The following RASEF variants were observed in gnomAD, a reference collection of about 807,000 sequenced individuals.
The protein encoded by RASEF is ras and EF-hand domain-containing protein.
Under a neutral mutation model 90.1 loss-of-function variants are expected in RASEF, and 68 were observed. The ratio of observed to expected loss-of-function variants is 0.75; its 90% CI spans 0.62 to 0.92. The LOEUF (loss-of-function observed/expected upper bound fraction) is 0.92, where lower values mean the gene tolerates loss of function less well. Among genes scored for constraint, RASEF ranks in the 40% least tolerant of loss-of-function variants. The pLI is 0.00. For missense variants in RASEF, 949 were observed against 937.2 expected (o/e 1.01, Z -0.16); for synonymous variants, 331 against 345.2 (o/e 0.96, Z 0.46).
intron 1 of RASEF, among the ~76,000 whole-genome samples, chr9:83,044,850 G>A (rs1829900872): frequency 6.6e-6 from 1 of 152,192 alleles, no homozygotes. Flanking sequence ...TAGACTTCGA[G>A]TAAAGCAGTT....
rs112266145 is a variant in RASEF, at chr9:83,058,287, A to G, written c.431+4150T>C. Among the ~76,000 whole-genome samples the G allele has an allele frequency of 6.6e-3, 873 of 132,298 alleles. 29 individuals carry two copies. Among genetic ancestry groups the G allele is most frequent in the African/African-American group, 0.024 (806 of 34,094 alleles). The allele number at this position is 132,298 out of a possible 152,430, so 86.8% of individuals were successfully genotyped here. On this transcript the variant is annotated intron_variant, in intron 1 of 16. Coordinates refer to ENST00000376447, the MANE Select transcript of RASEF (RefSeq NM_152573.4). ...AAGCTCCGCCTCCCGGGTTCACACC[A>G]TTCTCCTGCCTCAGCCTCCCGAGTA... is the stretch of plus-strand genomic sequence containing the variant.
intron 1 of RASEF, among the ~76,000 whole-genome samples, chr9:83,039,149 G>A (rs1229491758): frequency 6.6e-6 from 1 of 152,000 alleles, no homozygotes; most frequent in Non-Finnish European, 1.5e-5. Flanking sequence ...ATGCTATCTA[G>A]AAGCCAAATG....
chr9:83,098,075 C>T, the RASEF span, among the ~76,000 whole-genome samples: 5 of 152,152 alleles, frequency 3.3e-5, no homozygotes, highest in Middle Eastern at 3.2e-3. Context: ...GGGCTGATAG[C>T]TCCAGAGTCC....
the RASEF span, among the ~76,000 whole-genome samples, chr9:83,177,744 C>G: frequency 2.6e-5 from 4 of 151,728 alleles, no homozygotes; most frequent in Non-Finnish European, 4.4e-5. Flanking sequence ...CGTATTTATC[C>G]CATTAGAGTT....
chr9:83,203,577 A>C, the RASEF span, among the ~76,000 whole-genome samples: 1 of 152,198 alleles, frequency 6.6e-6, no homozygotes, highest in Non-Finnish European at 1.5e-5. Flanking sequence ...CACCTGGCCT[A>C]TTCCATTACA....
At chr9:83,015,197 AC>A (rs1829321133) in intron 4 of RASEF, among the ~76,000 whole-genome samples, 1 of 152,224 alleles carries the variant, frequency 6.6e-6, no homozygotes, top group Non-Finnish European at 1.5e-5. Context: ...ATTTGACATG[AC>A]CAAGAAAAAC....
At chr9:83,193,634 G>A in the RASEF span, among the ~76,000 whole-genome samples, 4,115 of 152,242 alleles carry the variant, frequency 0.027, 76 homozygotes, top group Non-Finnish European at 0.038. Flanking sequence ...CATAAATATG[G>A]AGATACATAT....
chr9:83,187,756 A>G, the RASEF span, among the ~76,000 whole-genome samples: 1 of 151,406 alleles, frequency 6.6e-6, no homozygotes, highest in Non-Finnish European at 1.5e-5. Context: ...TCTACCTTCC[A>G]TTTCTCCTCT....
At chr9:83,035,893 A>T (rs1405277223) in intron 1 of RASEF, among the ~76,000 whole-genome samples, 1 of 152,204 alleles carries the variant, frequency 6.6e-6, no homozygotes, top group African/African-American at 2.4e-5. Context: ...GAAGCATCTA[A>T]CTAGAATTTC....
chr9:83,201,607 A>T, the RASEF span, among the ~76,000 whole-genome samples: 1 of 152,206 alleles, frequency 6.6e-6, no homozygotes, highest in Non-Finnish European at 1.5e-5. Flanking sequence ...GTAAATATTA[A>T]TGGGACTTTT....
chr9:82,988,548 C>T (rs1036428421), intron 16 of RASEF, among the ~76,000 whole-genome samples: 1 of 152,024 alleles, frequency 6.6e-6, no homozygotes, highest in African/African-American at 2.4e-5. Flanking sequence ...GGTGGGGCCT[C>T]GTGGGAGGTA....
the RASEF span, among the ~76,000 whole-genome samples, chr9:83,122,523 G>T: frequency 6.6e-6 from 1 of 152,086 alleles, no homozygotes; most frequent in African/African-American, 2.4e-5. Context: ...CTGTGCACTG[G>T]CTCCCCCACT....
chr9:83,007,437 TGG>T lies in RASEF; in HGVS notation c.1026_1027del (p.Gln343AsnfsTer3). The T allele has an allele frequency of 6.2e-7, 1 of 1,603,596 alleles. No homozygotes were observed. Among genetic ancestry groups the T allele is most frequent in the Admixed American group, 1.7e-5 (1 of 60,020 alleles). ...ATGAGCATTTGATCTGCGGACTTAC[TGG>T]AGTATTTCAATTTGCCTCTCAAGAC... On this transcript the variant is annotated frameshift_variant and splice_region_variant, in exon 7 of 17. Transcript: ENST00000376447. LOFTEE classifies it high-confidence loss of function.
intron 1 of RASEF, among the ~76,000 whole-genome samples, chr9:83,041,958 A>G (rs572282307): frequency 6.6e-6 from 1 of 152,338 alleles, no homozygotes; most frequent in African/African-American, 2.4e-5. Context: ...AAAGTCAAGA[A>G]AAGAAAAACC....
chr9:83,134,238 A>G, the RASEF span, among the ~76,000 whole-genome samples: 3 of 152,208 alleles, frequency 2.0e-5, no homozygotes, highest in East Asian at 5.8e-4. Flanking sequence ...GTACTTTCAC[A>G]GAGAAGTGTA....
At chr9:83,092,711 C>T in the RASEF span, among the ~76,000 whole-genome samples, 2 of 152,124 alleles carry the variant, frequency 1.3e-5, no homozygotes, top group African/African-American at 4.8e-5. Context: ...GGGCACCCTG[C>T]TTTTATTTTC....
chr9:83,087,098 C>A, the RASEF span, among the ~76,000 whole-genome samples: 1 of 151,960 alleles, frequency 6.6e-6, no homozygotes, highest in Non-Finnish European at 1.5e-5. Context: ...ACTTGAATAC[C>A]CAATAAGAAA....
At chr9:83,042,309 A>C (rs1829857789) in intron 1 of RASEF, among the ~76,000 whole-genome samples, 1 of 152,336 alleles carries the variant, frequency 6.6e-6, no homozygotes, top group East Asian at 1.9e-4. Flanking sequence ...ACAAAGCAGT[A>C]GTATTTGTTT....
the RASEF span, among the ~76,000 whole-genome samples, chr9:83,186,829 A>G: frequency 6.6e-6 from 1 of 152,164 alleles, no homozygotes; most frequent in Non-Finnish European, 1.5e-5. Context: ...TTTATTTTCA[A>G]TATATTATGA....
Sources: allele counts gnomAD v4.1 joint callset (sites outside exome capture counted in the v4.1 genomes callset), GRCh38; gene constraint gnomAD v4.1.1; transcripts MANE v1.5; gene names NCBI Gene and HGNC (gene_info 2026-07-23, HGNC 2026-07-21).